Variants in NF1 observed in about 807,000 individuals in gnomAD.
NF1 encodes neurofibromin.
A neutral mutation model predicts 325.7 loss-of-function variants in NF1; 122 were observed. The observed-to-expected ratio is 0.37, with a 90% CI of 0.32 to 0.44. The LOEUF is 0.44. Ranked by LOEUF, NF1 falls within the 20% of genes least tolerant of loss-of-function variation. NF1 has a pLI of 1.00. For synonymous variants in NF1, 1,091 were observed against 1,186.0 expected (o/e 0.92, Z 1.65); for missense variants, 2,140 against 3,415.4 (o/e 0.63, Z 9.31).
intron 29 of NF1, among the ~76,000 whole-genome samples, chr17:31,240,616 A>T (rs2067279570): frequency 6.6e-6 from 1 of 152,150 alleles, no homozygotes; most frequent in South Asian, 2.1e-4. Flanking sequence ...TTTCTGGATC[A>T]TATAGTAGTT....
chr17:31,304,897 C>T (rs1490837875), intron 36 of NF1: 3 of 1,614,000 alleles, frequency 1.9e-6, no homozygotes, highest in Admixed American at 1.7e-5. Flanking sequence ...TCTACCTGCC[C>T]AATTTTGATC....
Position 31,334,668 on chromosome 17 carries a change from GT to G in NF1, c.5813-168del, listed in dbSNP as rs547086631. 3.0e-4 allele frequency: 182 copies of G among 615,184 alleles called. No individual in the cohort carries two copies. The African/African-American group carries it at 3.1e-3, about 10-fold the overall frequency. The allele number at this position is 615,184 out of a possible 1,614,324, so 38.1% of individuals were successfully genotyped here. The stretch of plus-strand genomic sequence containing the variant: ...TTTAAAATTACTTTCTTCAAGGACT[GT>G]TCTTTCTTCGCCTCTACAAAAATAT... On this transcript the variant is annotated intron_variant, in intron 39 of 57. Coordinates refer to ENST00000358273, the MANE Select transcript of NF1 (RefSeq NM_001042492.3).
intron 57 of NF1, chr17:31,360,924 C>T: frequency 1.7e-6 from 1 of 574,180 alleles, no homozygotes; most frequent in Admixed American, 3.0e-5. Context: ...AAAATGTCCA[C>T]ATGATATTCC....
At chr17:31,181,372 T>G in intron 5 of NF1, 50 bp from the exon 6 acceptor site, 1 of 1,497,118 alleles carries the variant, frequency 6.7e-7, no homozygotes, top group Non-Finnish European at 9.3e-7. Flanking sequence ...TGAGTTGTAT[T>G]TGTGTTAACT....
intron 9 of NF1, among the ~76,000 whole-genome samples, chr17:31,200,797 G>A (rs763404353): frequency 1.3e-5 from 2 of 152,154 alleles, no homozygotes; most frequent in Non-Finnish European, 2.9e-5. Context: ...TCTTAAATAA[G>A]CATAAATATA....
rs1555534647 is a variant in NF1 at position 31,336,605 on chromosome 17, TTTA to T, written c.6148-29_6148-27del. The stretch of plus-strand genomic sequence containing the variant: ...AAACTTTGAGTCCCATGTTTTTTTT[TTTA>T]AAAAAAAAAATCCTGCTTCTTTACA... On this transcript the variant is annotated intron_variant, in intron 41 of 57. Coordinates refer to ENST00000358273, the MANE Select transcript of NF1 (RefSeq NM_001042492.3). This position sits in a 1 kb window ranked among gnomAD's most constrained non-coding sequence, Gnocchi z 5.5. 4 of 1,519,150 alleles carry T rather than the reference TTTA, an allele frequency of 2.6e-6. No individual in the cohort carries two copies. The highest frequency in any genetic ancestry group is 2.6e-6 in the Non-Finnish European group (3 of 1,138,624). The allele number at this position is 1,519,150 out of a possible 1,614,324, so 94.1% of individuals were successfully genotyped here.
rs539863745 is a variant in NF1, at chr17:31,188,966, G to C, written c.888+6301G>C. On this transcript the variant is annotated intron_variant, in intron 8 of 57. Transcript: ENST00000358273. ...GTTAATGCTTAATAAACTCCCCTTT[G>C]TATAAGTATCTATTCCCTTAATTCT... Among the ~76,000 whole-genome samples the C allele has an allele frequency of 1.3e-3, 199 of 152,254 alleles. 1 individual carries two copies. Among genetic ancestry groups the C allele is most frequent in the Non-Finnish European group, 2.5e-3 (172 of 68,026 alleles).
chr17:31,168,470 G>A (rs770393271), intron 4 of NF1, among the ~76,000 whole-genome samples: 5 of 152,058 alleles, frequency 3.3e-5, no homozygotes, highest in South Asian at 2.1e-4. Context: ...CAAATAGGAT[G>A]CGTACTTTGG....
At chr17:31,340,689 G>C (rs2151562230) in intron 47 of NF1, 44 bp downstream of exon 47, 1 of 1,590,036 alleles carries the variant, frequency 6.3e-7, no homozygotes, top group Non-Finnish European at 8.6e-7. Context: ...CTCAAATTTA[G>C]TACTCTTCCA....
At chr17:31,169,355 A>T (rs1324073252) in intron 4 of NF1, among the ~76,000 whole-genome samples, 1 of 152,230 alleles carries the variant, frequency 6.6e-6, no homozygotes, top group African/African-American at 2.4e-5. Flanking sequence ...CTTAAGGATA[A>T]GGATGCTACG....
chr17:31,305,223 T>C lies in NF1; in HGVS notation c.4836-20597T>C, dbSNP rs138554367. 17 of 1,614,024 alleles carry C rather than the reference T, an allele frequency of 1.1e-5. No individual in the cohort carries two copies. The East Asian group carries it at 1.1e-4, about 11-fold the overall frequency. On this transcript the variant is annotated intron_variant, in intron 36 of 57. Coordinates refer to ENST00000358273, the MANE Select transcript of NF1 (RefSeq NM_001042492.3). ...GTTGTGTGGTAGAAGTACGGGCAGA[T>C]GGTAGTTGTCTGGCAGAGGTGAACA...
In NF1 at chr17:31,219,129, A is replaced by G; in HGVS notation, c.1641+11A>G. On this transcript the variant is annotated intron_variant, in intron 14 of 57. Coordinates refer to ENST00000358273, the MANE Select transcript of NF1 (RefSeq NM_001042492.3). The stretch of plus-strand genomic sequence containing the variant: ...CAGGAAGCAATGGAGGTAAGGGGAA[A>G]ATGAATTCCATGTTCTTGAAGGAAA... The G allele has an allele frequency of 1.2e-6, 2 of 1,610,996 alleles. No individual in the cohort carries two copies. The highest frequency in any genetic ancestry group is 1.7e-6 in the Non-Finnish European group (2 of 1,178,212).
chr17:31,305,458 G>A (rs2068693080), intron 36 of NF1: 1 of 1,614,076 alleles, frequency 6.2e-7, no homozygotes, highest in Non-Finnish European at 8.5e-7. Flanking sequence ...ATTCCCTGTT[G>A]TGTTTTGAGA....
chr17:31,325,273 T>C (rs2069312856), intron 36 of NF1, among the ~76,000 whole-genome samples: 1 of 152,204 alleles, frequency 6.6e-6, no homozygotes, highest in Admixed American at 6.5e-5. Flanking sequence ...TCCCAAAATA[T>C]GAGCTAGCAA....
At chr17:31,099,344 A>G (rs1279618332) in intron 1 of NF1, among the ~76,000 whole-genome samples, 1 of 152,168 alleles carries the variant, frequency 6.6e-6, no homozygotes, top group Non-Finnish European at 1.5e-5. Flanking sequence ...TAACCTGATA[A>G]TATTGCAGCT....
chr17:31,191,354 T>C (rs2066338968), intron 8 of NF1, among the ~76,000 whole-genome samples: 1 of 152,156 alleles, frequency 6.6e-6, no homozygotes, highest in Admixed American at 6.5e-5. Flanking sequence ...ATATTATTTA[T>C]AATAGCGCAA....
At position 31,261,804 on chromosome 17, in the gene NF1, A is replaced by G. The variant is rs876658990; in HGVS notation, c.4671A>G (p.Thr1557=). 6.2e-7 allele frequency: 1 copy of G among 1,612,796 alleles called. No individual in the cohort carries two copies. The highest frequency in any genetic ancestry group is 8.5e-7 in the Non-Finnish European group (1 of 1,179,968). ...GPPEHKPVAD[T]HWSSLNLTSS... is the part of the protein sequence containing the mutation. ...CAGAGCACAAACCTGTGGCAGATAC[A>G]CACTGGTCCAGCCTTAACCTTACCA... Residue 1557 remains threonine (T), a synonymous_variant, in exon 35 of 58, where the codon ACA becomes ACG. Coordinates refer to ENST00000358273, the MANE Select transcript of NF1 (RefSeq NM_001042492.3).
chr17:31,377,501 A>G lies in NF1; in HGVS notation c.*3346A>G, dbSNP rs1421561706. The stretch of plus-strand genomic sequence containing the variant: ...GTCTACAACCTTGTTAATACTGTAA[A>G]CAGTTGTACGCCAGCAGGAAAAATA... On this transcript the variant is annotated 3_prime_UTR_variant, in exon 58 of 58. Transcript: ENST00000358273. 6 of 232,976 alleles carry G rather than the reference A, an allele frequency of 2.6e-5. No individual in the cohort carries two copies. The highest frequency in any genetic ancestry group is 4.4e-5 in the African/African-American group (2 of 45,402). 14.4% of individuals were successfully genotyped at this position (232,976 alleles called of 1,614,324 possible).
At chr17:31,234,171 G>A (rs1168480787) in intron 27 of NF1, among the ~76,000 whole-genome samples, 1 of 152,170 alleles carries the variant, frequency 6.6e-6, no homozygotes, top group Admixed American at 6.5e-5. Flanking sequence ...ATTGCTGTCT[G>A]TAGGCACAAT....
Sources: allele counts gnomAD v4.1 joint callset (sites outside exome capture counted in the v4.1 genomes callset), GRCh38; gene constraint gnomAD v4.1.1; non-coding constraint Gnocchi (gnomAD v3.1); transcripts MANE v1.5; gene names NCBI Gene and HGNC (gene_info 2026-07-23, HGNC 2026-07-21).